ADRA1A: variants seen among roughly 807,000 people sequenced by gnomAD.
ADRA1A encodes the protein adrenoceptor alpha 1A.
In ADRA1A, 31 loss-of-function variants were observed where a neutral mutation model predicts 29.6. That is an observed-to-expected ratio of 1.05 (90% CI 0.79 to 1.41). The LOEUF is 1.41. Among genes scored for constraint, ADRA1A ranks in the 40% most tolerant of loss-of-function variants. The pLI, the probability that ADRA1A is intolerant of heterozygous loss-of-function variation, is 0.00. For missense variants in ADRA1A, 619 were observed against 601.1 expected (o/e 1.03, Z -0.31); for synonymous variants, 311 against 254.3 (o/e 1.22, Z -2.12).
intron 2 of ADRA1A, among the ~76,000 whole-genome samples, chr8:26,851,020 T>C (rs967004440): frequency 2.0e-5 from 3 of 152,096 alleles, no homozygotes; most frequent in African/African-American, 7.3e-5. Flanking sequence ...CTCTGTTCCA[T>C]CTGGGAGATT....
chr8:26,770,594 C>A lies in ADRA1A; in HGVS notation c.956G>T (p.Ser319Ile). 1 of 1,614,216 alleles carries A rather than the reference C, an allele frequency of 6.2e-7. No individual in the cohort carries two copies. The highest frequency in any genetic ancestry group is 8.5e-7 in the Non-Finnish European group (1 of 1,180,042). Residue 319 changes from serine to isoleucine, a missense_variant, in exon 3 of 3, where the codon AGC (serine) becomes ATC (isoleucine). Ser to Ile is a moderately radical substitution (Grantham distance 142). Transcript: ENST00000380573. ...KIVFWLGYLN[S>I]CINPIIYPCS... ...TGGGTATATGATGGGGTTGATGCAG[C>A]TGTTTAGATATCCGAGCCAAAATAC...
At position 26,770,454 on chromosome 8, in the gene ADRA1A, C is replaced by T. The variant is rs760797135; in HGVS notation, c.1096G>A (p.Ala366Thr). ...ATGTCCTTGTGTTGCCCTTCCACGG[C>T]CTGGCTGGGCGGGTGCAGGGTGTAG... is the stretch of plus-strand genomic sequence containing the variant. ...LGYTLHPPSQ[A>T]VEGQHKDMVR... The change falls in exon 3 of 3, where the codon GCC (alanine) becomes ACC (threonine). Residue 366 changes from alanine to threonine, a missense_variant. Physicochemically the swap from Ala to Thr is moderately conservative, Grantham distance 58. Coordinates refer to ENST00000380573, the MANE Select transcript of ADRA1A (RefSeq NM_000680.4). 4 of 1,614,200 alleles carry T rather than the reference C, an allele frequency of 2.5e-6. No homozygotes were observed. The highest frequency in any genetic ancestry group is 3.4e-6 in the Non-Finnish European group (4 of 1,180,026).
chr8:26,754,512 AG>A (rs1406163133), downstream of ADRA1A, among the ~76,000 whole-genome samples: 4 of 152,130 alleles, frequency 2.6e-5, no homozygotes, highest in Non-Finnish European at 5.9e-5. Context: ...CAATTGTTAA[AG>A]GTTACAGAAA....
chr8:26,834,939 T>G (rs1230947942), intron 2 of ADRA1A, among the ~76,000 whole-genome samples: 2 of 152,158 alleles, frequency 1.3e-5, no homozygotes, highest in Non-Finnish European at 2.9e-5. Flanking sequence ...AAGGGCCAGT[T>G]TTTCTCAAAT....
intron 2 of ADRA1A, among the ~76,000 whole-genome samples, chr8:26,832,422 A>C (rs1811047847): frequency 6.6e-6 from 1 of 152,182 alleles, no homozygotes; most frequent in African/African-American, 2.4e-5. Context: ...AAGTCTGGAA[A>C]CTAGATAAGT....
downstream of ADRA1A, among the ~76,000 whole-genome samples, chr8:26,755,071 A>G (rs554923370): frequency 1.5e-4 from 23 of 152,344 alleles, 2 homozygotes; most frequent in South Asian, 4.8e-3. Context: ...TAGTAGGAAC[A>G]CTGAATTGCT....
downstream of ADRA1A, among the ~76,000 whole-genome samples, chr8:26,753,573 C>T (rs1197736061): frequency 6.6e-6 from 1 of 151,988 alleles, no homozygotes; most frequent in Non-Finnish European, 1.5e-5. Context: ...TACTTATTTC[C>T]TACATTTTCT....
intron 2 of ADRA1A, among the ~76,000 whole-genome samples, chr8:26,843,590 A>AT (rs777779456): frequency 8.2e-4 from 125 of 152,144 alleles, no homozygotes; most frequent in African/African-American, 3.0e-3. Flanking sequence ...TGTAGACAAA[A>AT]TTTTTTTTGT....
At chr8:26,753,964 T>A (rs1805036257), downstream of ADRA1A, among the ~76,000 whole-genome samples, 1 of 152,254 alleles carries the variant, frequency 6.6e-6, no homozygotes, top group South Asian at 2.1e-4. Context: ...AATAAATTCA[T>A]TTTTATCAGT....
chr8:26,854,943 G>A (rs1269951647), intron 2 of ADRA1A, among the ~76,000 whole-genome samples: 2 of 152,174 alleles, frequency 1.3e-5, no homozygotes, highest in African/African-American at 2.4e-5. Context: ...CTTCCACCAA[G>A]TGAGCACACA....
At chr8:26,749,340 T>C (rs976131801) in intron 2 of ADRA1A, among the ~76,000 whole-genome samples, 1 of 152,202 alleles carries the variant, frequency 6.6e-6, no homozygotes, top group African/African-American at 2.4e-5. Context: ...CCAATCAATA[T>C]CTGGCTCATT....
Position 26,866,792 on chromosome 8 carries a change from G to C in ADRA1A, c.-687+144C>G. On this transcript the variant is annotated intron_variant, in intron 1 of 2. Coordinates refer to ENST00000380573, the MANE Select transcript of ADRA1A (RefSeq NM_000680.4). The surrounding 1 kb of genome is among the most constrained non-coding windows in gnomAD (Gnocchi z 5.7). ...CTTCGCAGAAGATGTAAGGGAATCGGGGGTGGGGTAGAGGGGCCGGTATAA... is the reference window on the plus strand; with the variant it reads ...CTTCGCAGAAGATGTAAGGGAATCGCGGGTGGGGTAGAGGGGCCGGTATAA... 2.9e-6 allele frequency: 2 copies of C among 697,990 alleles called. No individual in the cohort carries two copies. Among genetic ancestry groups the C allele is most frequent in the Non-Finnish European group, 3.5e-6 (2 of 566,486 alleles). 43.2% of individuals were successfully genotyped at this position (697,990 alleles called of 1,614,324 possible). A position where few individuals can be genotyped will look rare whatever the true frequency, so the allele number is the denominator to read the frequency against.
rs1811544064 is a variant in ADRA1A at position 26,838,268 on chromosome 8, G to A, written c.883+25819C>T. On this transcript the variant is annotated intron_variant, in intron 2 of 2. Coordinates refer to ENST00000380573, the MANE Select transcript of ADRA1A (RefSeq NM_000680.4). ...CAGATATTTAACAAAGCAAGGCACA[G>A]GTCTAGGCTCTGTATGAATCTATAT... Among the ~76,000 whole-genome samples the A allele has an allele frequency of 2.0e-5, 3 of 152,158 alleles. No individual in the cohort carries two copies. The South Asian group carries it at 6.2e-4, about 32-fold the overall frequency.
At position 26,787,162 on chromosome 8, in the gene ADRA1A, A is replaced by G. The variant is rs546401808; in HGVS notation, c.884-16496T>C. Among the ~76,000 whole-genome samples the G allele has an allele frequency of 4.6e-5, 7 of 152,314 alleles. No homozygotes were observed. The highest frequency in any genetic ancestry group is 4.1e-4 in the South Asian group (2 of 4,828). On this transcript the variant is annotated intron_variant, in intron 2 of 2. Coordinates refer to ENST00000380573, the MANE Select transcript of ADRA1A (RefSeq NM_000680.4). This position sits in a 1 kb window ranked among gnomAD's most constrained non-coding sequence, Gnocchi z 4.2. ...ATGTTTTAAATTTCTAGATGATGCT[A>G]TCTGCGAATCTGTCACTGCTTTGCT...
At chr8:26,786,629 T>C (rs886286452) in intron 2 of ADRA1A, among the ~76,000 whole-genome samples, 2 of 151,618 alleles carry the variant, frequency 1.3e-5, no homozygotes, top group African/African-American at 4.8e-5. Context: ...GAGTGTCCTC[T>C]CAACCTCTGT....
At chr8:26,838,517 G>A (rs1811559232) in intron 2 of ADRA1A, among the ~76,000 whole-genome samples, 1 of 152,160 alleles carries the variant, frequency 6.6e-6, no homozygotes, top group Admixed American at 6.5e-5. Flanking sequence ...ACTGTGCTTA[G>A]GCCCTGAGGA....
At chr8:26,802,078 T>C (rs1433874839) in intron 2 of ADRA1A, among the ~76,000 whole-genome samples, 1 of 152,124 alleles carries the variant, frequency 6.6e-6, no homozygotes, top group East Asian at 1.9e-4. Context: ...TCTCTTGCAA[T>C]ATACAAAAAT....
In ADRA1A at chr8:26,866,429, C is replaced by T. The variant is rs971666319; in HGVS notation, c.-687+507G>A. ...GGAGCTTTGCAAGTGACAGTCACTG[C>T]GGATTTTGCAGGCGTAAACATTAAG... On this transcript the variant is annotated intron_variant, in intron 1 of 2. Coordinates refer to ENST00000380573, the MANE Select transcript of ADRA1A (RefSeq NM_000680.4). This position sits in a 1 kb window ranked among gnomAD's most constrained non-coding sequence, Gnocchi z 5.7. Among the ~76,000 whole-genome samples the T allele has an allele frequency of 2.0e-5, 3 of 152,126 alleles. No homozygotes were observed. Among genetic ancestry groups the T allele is most frequent in the South Asian group, 2.1e-4 (1 of 4,830 alleles).
At position 26,865,122 on chromosome 8, in the gene ADRA1A, T is replaced by C; in HGVS notation, c.-153A>G. 6.8e-7 allele frequency: 1 copy of C among 1,466,752 alleles called. No individual in the cohort carries two copies. The highest frequency in any genetic ancestry group is 8.9e-7 in the Non-Finnish European group (1 of 1,118,328). The allele number at this position is 1,466,752 out of a possible 1,614,324, so 90.9% of individuals were successfully genotyped here. A position where few individuals can be genotyped will look rare whatever the true frequency, so the allele number is the denominator to read the frequency against. Reference sequence around the variant, plus strand: ...CTGGGGGTGAGAGCGCGCGCGCGGGTGGGAAACAACCCTGGCCAGCCCTGG... The same window carrying C: ...CTGGGGGTGAGAGCGCGCGCGCGGGCGGGAAACAACCCTGGCCAGCCCTGG... On this transcript the variant is annotated 5_prime_UTR_variant, in exon 2 of 3. Transcript: ENST00000380573. This position sits in a 1 kb window ranked among gnomAD's most constrained non-coding sequence, Gnocchi z 7.6.
Sources: allele counts gnomAD v4.1 joint callset (sites outside exome capture counted in the v4.1 genomes callset), GRCh38; gene constraint gnomAD v4.1.1; non-coding constraint Gnocchi (gnomAD v3.1); transcripts MANE v1.5; gene names NCBI Gene and HGNC (gene_info 2026-07-23, HGNC 2026-07-21).